The following ARFGEF2 variants were observed in gnomAD, a reference collection of about 807,000 sequenced individuals.
The protein encoded by ARFGEF2 is ARF guanine nucleotide exchange factor 2, also known as brefeldin A-inhibited guanine nucleotide-exchange protein 2.
ARFGEF2 carries 74 observed loss-of-function variants against 219.9 expected under a neutral mutation model. That is an observed-to-expected ratio of 0.34 (90% CI 0.28 to 0.41). The LOEUF (loss-of-function observed/expected upper bound fraction) is 0.41. Among genes scored for constraint, ARFGEF2 ranks in the 10% least tolerant of loss-of-function variants. ARFGEF2 has a pLI of 1.00. For missense variants in ARFGEF2, 1,743 were observed against 2,218.3 expected, an observed-to-expected ratio of 0.79 and a Z score of 4.30; for synonymous variants, 733 against 799.2, an observed-to-expected ratio of 0.92 and a Z score of 1.40.
chr20:48,990,350 G>T (rs571554123), intron 20 of ARFGEF2, among the ~76,000 whole-genome samples: 44 of 152,112 alleles, frequency 2.9e-4, no homozygotes, highest in African/African-American at 1.0e-3. Flanking sequence ...CTCTTCCCTG[G>T]AGAAACAAGT....
rs2091491041 is a variant in ARFGEF2 at position 49,010,417 on chromosome 20, G to C, written c.3757+13G>C. ...TGCCACATTGTCAGTAAGTGGCTCT[G>C]TTCCCTCCCTACTAATGTCCCACCT... On this transcript the variant is annotated intron_variant, in intron 27 of 38. Transcript: ENST00000371917. 6.2e-7 allele frequency: 1 copy of C among 1,612,794 alleles called. No homozygotes were observed. The highest frequency in any genetic ancestry group is 1.1e-5 in the South Asian group (1 of 91,084).
At chr20:48,997,997 A>G (rs949571597) in intron 23 of ARFGEF2, 196 bp from the exon 24 acceptor site, 40 of 576,702 alleles carry the variant, frequency 6.9e-5, no homozygotes, top group African/African-American at 6.7e-4. Flanking sequence ...AGCTGGGATT[A>G]CAGGTGCCCG....
rs896084693 is a variant in ARFGEF2, at chr20:48,972,067, G to A, written c.1426-259G>A. 1.6e-4 allele frequency among the ~76,000 whole-genome samples: 25 copies of A among 152,172 alleles called. 1 individual carries two copies. Among genetic ancestry groups the A allele is most frequent in the Admixed American group, 1.1e-3 (17 of 15,280 alleles). On this transcript the variant is annotated intron_variant, in intron 10 of 38. Transcript: ENST00000371917. Reference sequence around the variant, plus strand: ...AAATCCTATTTTACATGAAAATCCAGATTTCTGGTTTCTCTCCAAAAAGTC... The same window carrying A: ...AAATCCTATTTTACATGAAAATCCAAATTTCTGGTTTCTCTCCAAAAAGTC...
rs1384826807 is a variant in ARFGEF2 at position 48,965,977 on chromosome 20, A to G, written c.1013A>G (p.Asn338Ser). 15 of 1,614,042 alleles carry G rather than the reference A, an allele frequency of 9.3e-6. No individual in the cohort carries two copies. The highest frequency in any genetic ancestry group is 3.3e-5 in the Admixed American group (2 of 60,000). ...GGAGTTGATGAAAACTCACAGACCAACGGGATAGCCGATGACAGGCAGTCC... is the reference window on the plus strand; with the variant it reads ...GGAGTTGATGAAAACTCACAGACCAGCGGGATAGCCGATGACAGGCAGTCC... ...PPGVDENSQT[N>S]GIADDRQSLS... The change falls in exon 8 of 39, where the codon AAC (asparagine) becomes AGC (serine). Residue 338 changes from asparagine to serine, a missense_variant. By Grantham distance (46) the Asn-to-Ser change is conservative. Coordinates refer to ENST00000371917, the MANE Select transcript of ARFGEF2 (RefSeq NM_006420.3).
rs775764028 is a variant in ARFGEF2, at chr20:49,018,995, G to A, written c.4621G>A (p.Ala1541Thr). Residue 1541 changes from alanine (A) to threonine (T), a missense_variant, in exon 34 of 39, where the codon GCA (alanine) becomes ACA (threonine). Ala to Thr is a moderately conservative substitution (Grantham distance 58). Transcript: ENST00000371917. ...TDDSWKGRPYANQKLFASLLI... is the reference protein window; with the variant it reads ...TDDSWKGRPYTNQKLFASLLI... ...TGACAGCTGGAAGGGTAGACCATAC[G>A]CAAGTAAGGCCACTTTTTAATTTGT... The A allele has an allele frequency of 1.6e-5, 25 of 1,611,204 alleles. No individual in the cohort carries two copies. Among genetic ancestry groups the A allele is most frequent in the Non-Finnish European group, 1.8e-5 (21 of 1,177,690 alleles).
intron 35 of ARFGEF2, 43 bp downstream of exon 35, chr20:49,023,224 G>T: frequency 6.2e-7 from 1 of 1,612,284 alleles, no homozygotes; most frequent in Non-Finnish European, 8.5e-7. Context: ...TGTCCATAGG[G>T]AGGTTGCTTT....
chr20:48,985,610 A>C lies in ARFGEF2; in HGVS notation c.2273A>C (p.Gln758Pro). 1 of 1,614,124 alleles carries C rather than the reference A, an allele frequency of 6.2e-7. No homozygotes were observed. The highest frequency in any genetic ancestry group is 1.7e-5 in the Admixed American group (1 of 60,020). Residue 758 changes from glutamine to proline, a missense_variant, in exon 16 of 39, where the codon CAA (glutamine) becomes CCA (proline). Transcript: ENST00000371917. ...GCCGCAAGATACATAGAATGCAACC[A>C]AGGGTGAGCGCCGATTTTGAGTCCC... ...KFAARYIECN[Q>P]GQTLFASADT...
chr20:49,012,349 T>C (rs1308018033), intron 28 of ARFGEF2, among the ~76,000 whole-genome samples: 1 of 152,246 alleles, frequency 6.6e-6, no homozygotes, highest in Non-Finnish European at 1.5e-5. Flanking sequence ...TTTTAGCTTT[T>C]GTATTTTGGC....
intron 21 of ARFGEF2, 87 bp from the exon 22 acceptor site, chr20:48,994,363 CT>C: frequency 7.8e-6 from 12 of 1,539,630 alleles, no homozygotes; most frequent in East Asian, 2.3e-5. Context: ...ATTGAACCAA[CT>C]TTTTTTTAAT....
At chr20:48,926,459 CT>C (rs949841598) in intron 1 of ARFGEF2, among the ~76,000 whole-genome samples, 323 of 144,400 alleles carry the variant, frequency 2.2e-3, no homozygotes, top group Middle Eastern at 3.5e-3. Flanking sequence ...TTCAGTTTTT[CT>C]TTTTTTTTTT....
intron 26 of ARFGEF2, among the ~76,000 whole-genome samples, chr20:49,006,542 A>G (rs537630223): frequency 6.6e-6 from 1 of 152,284 alleles, no homozygotes; most frequent in South Asian, 2.1e-4. Flanking sequence ...GGGGATAGGG[A>G]TGGAAGCACT....
intron 1 of ARFGEF2, among the ~76,000 whole-genome samples, chr20:48,934,573 C>G (rs972073942): frequency 6.6e-6 from 1 of 152,264 alleles, no homozygotes; most frequent in Non-Finnish European, 1.5e-5. Context: ...TCTCATTGTT[C>G]AGCTCCCACT....
chr20:49,009,069 C>G (rs2091480674), intron 26 of ARFGEF2, among the ~76,000 whole-genome samples: 1 of 152,082 alleles, frequency 6.6e-6, no homozygotes, highest in African/African-American at 2.4e-5. Context: ...TCATATCTTT[C>G]TTTTAACAAT....
At chr20:49,005,655 G>A (rs967476034) in intron 26 of ARFGEF2, among the ~76,000 whole-genome samples, 1 of 147,852 alleles carries the variant, frequency 6.8e-6, no homozygotes, top group African/African-American at 2.5e-5. Context: ...GGAGAATGGC[G>A]TGAACTCAGG....
chr20:48,974,873 C>G lies in ARFGEF2; in HGVS notation c.1773C>G (p.Leu591=), dbSNP rs762969882. The G allele has an allele frequency of 6.2e-7, 1 of 1,612,494 alleles. No individual in the cohort carries two copies. The highest frequency in any genetic ancestry group is 8.5e-7 in the Non-Finnish European group (1 of 1,179,144). Residue 591 remains leucine (L), a splice_region_variant and synonymous_variant, in exon 13 of 39, where the codon CTC becomes CTG. Transcript: ENST00000371917. ...LYVNPNHQTS[L]GQERLTDQEI... ...TGAATCCCAACCACCAGACCAGCCT[C>G]GGTGAGACAGCATTGCTGCCACACC...
chr20:48,999,061 C>G (rs980402998), intron 25 of ARFGEF2, among the ~76,000 whole-genome samples: 14 of 152,042 alleles, frequency 9.2e-5, no homozygotes, highest in African/African-American at 3.4e-4. Flanking sequence ...CATAGTGAAA[C>G]CCCGTCACCA....
chr20:48,994,568 G>T lies in ARFGEF2; in HGVS notation c.3091G>T (p.Ala1031Ser), dbSNP rs1336585074. The change falls in exon 22 of 39, where the codon GCA becomes TCA. Residue 1031 changes from alanine (A) to serine (S), a missense_variant. By Grantham distance (99) the Ala-to-Ser change is moderately conservative (BLOSUM62 1). Coordinates refer to ENST00000371917, the MANE Select transcript of ARFGEF2 (RefSeq NM_006420.3). ...AGGGAGCCTGAAGGGCCACACATTG[G>T]CAGGAGAAGAGTTCATGGGCCTTGG... is the stretch of plus-strand genomic sequence containing the variant. Reference protein sequence around the residue: ...REGSLKGHTLAGEEFMGLGLG... With the variant: ...REGSLKGHTLSGEEFMGLGLG... The T allele has an allele frequency of 1.9e-6, 3 of 1,613,942 alleles. No homozygotes were observed. The highest frequency in any genetic ancestry group is 1.3e-5 in the African/African-American group (1 of 74,926).
At chr20:48,962,998 A>C (rs533494488) in intron 6 of ARFGEF2, among the ~76,000 whole-genome samples, 9 of 152,164 alleles carry the variant, frequency 5.9e-5, no homozygotes, top group Admixed American at 2.0e-4. Flanking sequence ...ACTTGAACTC[A>C]GGAGTTCAAG....
rs1230121423 is a variant in ARFGEF2, at chr20:48,958,811, CT to C, written c.839-5016del. ...TTCTCTGCTCTTGACAGACATGTTA[CT>C]TTCCTGCTTACTGTGTAGTAACAAC... On this transcript the variant is annotated intron_variant, in intron 6 of 38. Coordinates refer to ENST00000371917, the MANE Select transcript of ARFGEF2 (RefSeq NM_006420.3). Among the ~76,000 whole-genome samples, 8 of 152,284 alleles carry C rather than the reference CT, an allele frequency of 5.3e-5. No homozygotes were observed. The East Asian group carries it at 1.3e-3, about 26-fold the overall frequency.
Sources: gnomAD v4.1 joint callset for allele counts (sites outside exome capture counted in the v4.1 genomes callset) on GRCh38, gnomAD v4.1.1 for gene constraint, MANE v1.5 for transcripts, NCBI Gene and HGNC (gene_info 2026-07-23, HGNC 2026-07-21) for gene names.